Variants in OSBPL3 observed in about 807,000 individuals in gnomAD.
The protein encoded by OSBPL3 is oxysterol binding protein like 3.
In OSBPL3, 65 loss-of-function variants were observed where a neutral mutation model predicts 120.1. The observed-to-expected ratio is 0.54, with a 90% CI of 0.44 to 0.67. OSBPL3 has a LOEUF of 0.67. Ranked by LOEUF, OSBPL3 falls within the 30% of genes least tolerant of loss-of-function variation. The pLI is 0.00. For missense variants in OSBPL3, 1,004 were observed against 1,082.1 expected, an observed-to-expected ratio of 0.93 and a Z score of 1.01; for synonymous variants, 416 against 402.6, an observed-to-expected ratio of 1.03 and a Z score of -0.40.
At chr7:24,970,938 T>C (rs767790993) in intron 1 of OSBPL3, among the ~76,000 whole-genome samples, 6 of 152,204 alleles carry the variant, frequency 3.9e-5, no homozygotes, top group Non-Finnish European at 5.9e-5. Context: ...CTTCAGACCG[T>C]TCCTCAAACC....
intron 1 of OSBPL3, among the ~76,000 whole-genome samples, chr7:24,975,702 G>A (rs1048404156): frequency 6.6e-6 from 1 of 152,046 alleles, no homozygotes; most frequent in Non-Finnish European, 1.5e-5. Context: ...GAGGAATAGG[G>A]GAAGATAAAA....
intron 1 of OSBPL3, among the ~76,000 whole-genome samples, chr7:24,944,097 A>AAAAAAAAAAAAC (rs1813416560): frequency 6.9e-6 from 1 of 144,520 alleles, no homozygotes; most frequent in African/African-American, 2.5e-5. Context: ...AAAAAAAAAA[A>AAAAAAAAAAAAC]ATTAAGAAAA....
chr7:24,901,293 A>C (rs1357768072), intron 1 of OSBPL3, among the ~76,000 whole-genome samples: 1 of 151,832 alleles, frequency 6.6e-6, no homozygotes, highest in East Asian at 1.9e-4. Flanking sequence ...TCCAGCCTGC[A>C]GTGAGCCCAG....
At chr7:24,800,419 T>G (rs969801998) in intron 22 of OSBPL3, 140 bp from the exon 23 acceptor site, 1 of 538,084 alleles carries the variant, frequency 1.9e-6, no homozygotes, top group African/African-American at 1.9e-5. Flanking sequence ...GACCGGGAAT[T>G]CTGGGAATTA....
chr7:24,859,426 C>T (rs984712917), intron 10 of OSBPL3, among the ~76,000 whole-genome samples: 4 of 152,098 alleles, frequency 2.6e-5, no homozygotes, highest in African/African-American at 2.4e-5. Context: ...TGTATATATC[C>T]TTCCAGACTT....
At chr7:24,885,002 G>C (rs1016301999) in intron 2 of OSBPL3, among the ~76,000 whole-genome samples, 1 of 151,944 alleles carries the variant, frequency 6.6e-6, no homozygotes, top group Admixed American at 6.5e-5. Context: ...AAATAAATGG[G>C]GCCAGGTGTG....
At chr7:24,890,155 T>A (rs1396115882) in intron 2 of OSBPL3, among the ~76,000 whole-genome samples, 1 of 152,144 alleles carries the variant, frequency 6.6e-6, no homozygotes, top group Non-Finnish European at 1.5e-5. Flanking sequence ...ATGTATCCCC[T>A]CCAGATGAAA....
rs538222842 is a variant in OSBPL3 at position 24,898,327 on chromosome 7, C to T, written c.-149-5706G>A. 1.4e-4 allele frequency among the ~76,000 whole-genome samples: 21 copies of T among 152,356 alleles called. No individual in the cohort carries two copies. The highest frequency in any genetic ancestry group is 2.5e-4 in the Non-Finnish European group (17 of 68,042). ...CTGAACTGCTGGTCTGATCCAAAGGCACCCATACCTGACTGTTTCTGGGAG... is the reference window on the plus strand; with the variant it reads ...CTGAACTGCTGGTCTGATCCAAAGGTACCCATACCTGACTGTTTCTGGGAG... On this transcript the variant is annotated intron_variant, in intron 1 of 22. Transcript: ENST00000313367. This position sits in a 1 kb window ranked among gnomAD's most constrained non-coding sequence, Gnocchi z 4.3.
At chr7:24,963,108 C>T (rs1004730616) in intron 1 of OSBPL3, among the ~76,000 whole-genome samples, 1 of 152,102 alleles carries the variant, frequency 6.6e-6, no homozygotes, top group African/African-American at 2.4e-5. Flanking sequence ...TTTTCACACC[C>T]GATCCTAATA....
At chr7:24,887,344 G>C (rs867539357) in intron 2 of OSBPL3, among the ~76,000 whole-genome samples, 1 of 152,194 alleles carries the variant, frequency 6.6e-6, no homozygotes, top group Admixed American at 6.5e-5. Flanking sequence ...TATCTGAAAA[G>C]TGATCTACTT....
At position 24,855,671 on chromosome 7, in the gene OSBPL3, A is replaced by G. The variant is rs1260534438; in HGVS notation, c.1028-3037T>C. On this transcript the variant is annotated intron_variant, in intron 10 of 22. Transcript: ENST00000313367. The surrounding 1 kb of genome is among the most constrained non-coding windows in gnomAD (Gnocchi z 4.3). ...GCAATGATCAGAGGTTGCTCATGAG[A>G]GACCACATTTATATTAATTGTTTAA... 6.6e-6 allele frequency among the ~76,000 whole-genome samples: 1 copy of G among 152,216 alleles called. No individual in the cohort carries two copies. The highest frequency in any genetic ancestry group is 2.4e-5 in the African/African-American group (1 of 41,448).
Position 24,831,035 on chromosome 7 carries a change from T to A in OSBPL3, c.1747-130A>T. 10 of 871,516 alleles carry A rather than the reference T, an allele frequency of 1.1e-5. No individual in the cohort carries two copies. The highest frequency in any genetic ancestry group is 2.8e-4 in the Middle Eastern group (1 of 3,568). 54.0% of individuals were successfully genotyped at this position (871,516 alleles called of 1,614,324 possible). The stretch of plus-strand genomic sequence containing the variant: ...CCAAAGATTTGTCTTTGGTTGTTTT[T>A]AAACAACATAGGTTTAAAATTGTAG... On this transcript the variant is annotated intron_variant, in intron 15 of 22. Coordinates refer to ENST00000313367, the MANE Select transcript of OSBPL3 (RefSeq NM_015550.4). The surrounding 1 kb of genome is among the most constrained non-coding windows in gnomAD (Gnocchi z 4.0).
rs78399024 is a variant in OSBPL3, at chr7:24,863,592, C to G, written c.681G>C (p.Ala227=). 3.1e-6 allele frequency: 5 copies of G among 1,611,900 alleles called. No homozygotes were observed. The highest frequency in any genetic ancestry group is 3.4e-6 in the Non-Finnish European group (4 of 1,178,028). The change falls in exon 8 of 23, where the codon GCG becomes GCC. Residue 227 remains alanine (A), a synonymous_variant. Coordinates refer to ENST00000313367, the MANE Select transcript of OSBPL3 (RefSeq NM_015550.4). This position sits in a 1 kb window ranked among gnomAD's most constrained non-coding sequence, Gnocchi z 5.8. ...TTTCTACCAGGTAGGCATGACAGTG[C>G]GCCAGGTCTGTGGGGGAAAAGAGGA... is the stretch of plus-strand genomic sequence containing the variant. ...EDMEKCSKDL[A]HCHAYLVEMS...
At chr7:24,845,657 A>G (rs994950011) in intron 12 of OSBPL3, among the ~76,000 whole-genome samples, 1 of 90,668 alleles carries the variant, frequency 1.1e-5, no homozygotes, top group Admixed American at 1.2e-4. Context: ...ACTTTTTCCT[A>G]AAAAAAAAAA....
intron 1 of OSBPL3, among the ~76,000 whole-genome samples, chr7:24,907,232 A>G (rs984757480): frequency 6.6e-6 from 1 of 152,120 alleles, no homozygotes; most frequent in Admixed American, 6.5e-5. Context: ...CCCTAGTTCA[A>G]TTTATCGCCA....
intron 1 of OSBPL3, among the ~76,000 whole-genome samples, chr7:24,960,599 T>C (rs1034491781): frequency 6.6e-6 from 1 of 152,076 alleles, no homozygotes; most frequent in Admixed American, 6.5e-5. Flanking sequence ...ACTTACCCTC[T>C]TCTGAACCTG....
intron 10 of OSBPL3, among the ~76,000 whole-genome samples, chr7:24,859,293 C>T (rs1800210809): frequency 6.6e-6 from 1 of 151,888 alleles, no homozygotes; most frequent in African/African-American, 2.4e-5. Context: ...TTACACACTG[C>T]CCTCCCACTG....
chr7:24,818,621 A>C lies in OSBPL3; in HGVS notation c.1948+1554T>G, dbSNP rs987254955. ...CAGGGGAGATGAAAGAGAATGATAG[A>C]AATTATTCAATCCAAAAGGCAGAGA... On this transcript the variant is annotated intron_variant, in intron 17 of 22. Coordinates refer to ENST00000313367, the MANE Select transcript of OSBPL3 (RefSeq NM_015550.4). This position sits in a 1 kb window ranked among gnomAD's most constrained non-coding sequence, Gnocchi z 4.0. Among the ~76,000 whole-genome samples, 3 of 152,244 alleles carry C rather than the reference A, an allele frequency of 2.0e-5. No individual in the cohort carries two copies. The highest frequency in any genetic ancestry group is 4.4e-5 in the Non-Finnish European group (3 of 68,048).
At position 24,830,335 on chromosome 7, in the gene OSBPL3, G is replaced by A. The variant is rs1388835790; in HGVS notation, c.1884+433C>T. On this transcript the variant is annotated intron_variant, in intron 16 of 22. Transcript: ENST00000313367. This position sits in a 1 kb window ranked among gnomAD's most constrained non-coding sequence, Gnocchi z 4.4. ...TATTGATGTGAATGAATAAATACATGAATGAATGATTCCTCTCAAATCAAA... is the reference window on the plus strand; with the variant it reads ...TATTGATGTGAATGAATAAATACATAAATGAATGATTCCTCTCAAATCAAA... 6.6e-6 allele frequency among the ~76,000 whole-genome samples: 1 copy of A among 152,064 alleles called. No individual in the cohort carries two copies. Among genetic ancestry groups the A allele is most frequent in the Non-Finnish European group, 1.5e-5 (1 of 68,010 alleles).
Sources: allele counts gnomAD v4.1 joint callset (sites outside exome capture counted in the v4.1 genomes callset), GRCh38; gene constraint gnomAD v4.1.1; non-coding constraint Gnocchi (gnomAD v3.1); transcripts MANE v1.5; gene names NCBI Gene and HGNC (gene_info 2026-07-23, HGNC 2026-07-21).